Variants in HS3ST4 observed in about 807,000 individuals in gnomAD.
HS3ST4 encodes the protein heparan sulfate-glucosamine 3-sulfotransferase 4, also known as heparan sulfate glucosamine 3-O-sulfotransferase 4.
A neutral mutation model predicts 29.2 loss-of-function variants in HS3ST4; 17 were observed. The ratio of observed to expected loss-of-function variants is 0.58; its 90% confidence interval spans 0.40 to 0.87. The LOEUF (loss-of-function observed/expected upper bound fraction) is 0.87. Ranked by LOEUF, HS3ST4 falls within the 40% of genes least tolerant of loss-of-function variation. The pLI is 0.00. For missense variants in HS3ST4, 627 were observed against 634.5 expected, an observed-to-expected ratio of 0.99 and a Z score of 0.13; for synonymous variants, 314 against 285.7, an observed-to-expected ratio of 1.10 and a Z score of -1.00.
chr16:26,056,284 T>A (rs1898407455), intron 1 of HS3ST4, among the ~76,000 whole-genome samples: 1 of 152,100 alleles, frequency 6.6e-6, no homozygotes, highest in African/African-American at 2.4e-5. Flanking sequence ...AGGTTGGAAG[T>A]TTTTGAGAAC....
intron 1 of HS3ST4, among the ~76,000 whole-genome samples, chr16:25,952,436 G>A (rs139637675): frequency 1.1e-3 from 172 of 152,284 alleles, no homozygotes; most frequent in African/African-American, 3.9e-3. Context: ...ACTCCATCAG[G>A]GGGATTCAAG....
At position 26,051,908 on chromosome 16, in the gene HS3ST4, CCCTCCCTT is replaced by C. The variant is rs1318681844; in HGVS notation, c.735-83700_735-83693del. Among the ~76,000 whole-genome samples, 249 of 125,612 alleles carry C rather than the reference CCCTCCCTT, an allele frequency of 2.0e-3. 4 individuals carry two copies. The East Asian group carries it at 0.047, about 24-fold the overall frequency. The allele number at this position is 125,612 out of a possible 152,430, so 82.4% of individuals were successfully genotyped here. On this transcript the variant is annotated intron_variant, in intron 1 of 1. Coordinates refer to ENST00000331351, the MANE Select transcript of HS3ST4 (RefSeq NM_006040.3). Reference sequence around the variant, plus strand: ...TCCCTCCCTCCCTCCCTCCCTCCCTCCCTCCCTTCCTTCCTTCCTTCCTTCCTTCCGTC... The same window carrying C: ...TCCCTCCCTCCCTCCCTCCCTCCCTCCCTTCCTTCCTTCCTTCCTTCCGTC...
intron 1 of HS3ST4, among the ~76,000 whole-genome samples, chr16:25,988,155 A>G (rs1451515611): frequency 6.6e-6 from 1 of 152,188 alleles, no homozygotes; most frequent in Non-Finnish European, 1.5e-5. Flanking sequence ...CTTCGTCTGC[A>G]CGCCTGTCTT....
intron 1 of HS3ST4, among the ~76,000 whole-genome samples, chr16:25,750,795 C>T (rs910597025): frequency 2.0e-5 from 3 of 152,214 alleles, no homozygotes; most frequent in African/African-American, 7.2e-5. Context: ...TCATTCCACC[C>T]TCCTACTTCA....
intron 1 of HS3ST4, among the ~76,000 whole-genome samples, chr16:25,877,364 G>A (rs1967843173): frequency 6.6e-6 from 1 of 152,108 alleles, no homozygotes; most frequent in Admixed American, 6.5e-5. Flanking sequence ...GGATTATTTG[G>A]GGACACAGGG....
chr16:26,130,057 T>C (rs1293913541), intron 1 of HS3ST4, among the ~76,000 whole-genome samples: 2 of 152,168 alleles, frequency 1.3e-5, no homozygotes, highest in African/African-American at 4.8e-5. Flanking sequence ...ACTGGGCTGT[T>C]CTTAGCAAAG....
chr16:25,860,849 C>G (rs1428319409), intron 1 of HS3ST4, among the ~76,000 whole-genome samples: 1 of 152,064 alleles, frequency 6.6e-6, no homozygotes, highest in Admixed American at 6.6e-5. Context: ...AGAATGAACT[C>G]CAATGTAAAC....
At chr16:26,133,133 T>A (rs1231659016) in intron 1 of HS3ST4, among the ~76,000 whole-genome samples, 4 of 149,736 alleles carry the variant, frequency 2.7e-5, no homozygotes, top group Non-Finnish European at 4.5e-5. Flanking sequence ...AAATGAAGTA[T>A]TTTTTTTTTC....
At chr16:25,714,217 G>T (rs1966436486) in intron 1 of HS3ST4, among the ~76,000 whole-genome samples, 2 of 152,218 alleles carry the variant, frequency 1.3e-5, no homozygotes, top group South Asian at 4.2e-4. Flanking sequence ...ACAAATACAT[G>T]AAAATAAAAT....
chr16:25,744,460 C>T (rs1410201414), intron 1 of HS3ST4, among the ~76,000 whole-genome samples: 1 of 152,106 alleles, frequency 6.6e-6, no homozygotes, highest in Admixed American at 6.5e-5. Flanking sequence ...TCCTAAATAG[C>T]AGTGCCTTAA....
intron 1 of HS3ST4, among the ~76,000 whole-genome samples, chr16:26,075,005 TG>T (rs1478195928): frequency 6.6e-6 from 1 of 152,124 alleles, no homozygotes; most frequent in East Asian, 1.9e-4. Flanking sequence ...CCAGCCTGGC[TG>T]ACATGGTGAA....
At chr16:25,856,368 G>A (rs946830712) in intron 1 of HS3ST4, among the ~76,000 whole-genome samples, 16 of 152,136 alleles carry the variant, frequency 1.1e-4, no homozygotes, top group African/African-American at 3.9e-4. Context: ...GGAGGGGAAA[G>A]GGGCTGGGAG....
chr16:25,877,447 C>T (rs1967844013), intron 1 of HS3ST4, among the ~76,000 whole-genome samples: 3 of 152,122 alleles, frequency 2.0e-5, no homozygotes. Flanking sequence ...TAATCACTCC[C>T]AGTTTCTTCA....
intron 1 of HS3ST4, among the ~76,000 whole-genome samples, chr16:26,022,609 A>G (rs939427476): frequency 2.0e-5 from 3 of 152,052 alleles, no homozygotes; most frequent in African/African-American, 7.2e-5. Flanking sequence ...ACAGACAGGC[A>G]GCAGGTCAAA....
intron 1 of HS3ST4, among the ~76,000 whole-genome samples, chr16:25,998,376 T>A (rs1969175369): frequency 6.6e-6 from 1 of 152,206 alleles, no homozygotes; most frequent in East Asian, 1.9e-4. Flanking sequence ...TAATTCTAGA[T>A]AGTATACTTC....
rs145515847 is a variant in HS3ST4 at position 25,750,087 on chromosome 16, C to T, written c.734+56936C>T. Reference sequence around the variant, plus strand: ...ATCTGGTGTCTTAGATGGAAAATCCCAAATGGTTGCTACTGAAATCCTCTG... The same window carrying T: ...ATCTGGTGTCTTAGATGGAAAATCCTAAATGGTTGCTACTGAAATCCTCTG... On this transcript the variant is annotated intron_variant, in intron 1 of 1. Transcript: ENST00000331351. 1.1e-3 allele frequency among the ~76,000 whole-genome samples: 171 copies of T among 152,276 alleles called. 1 individual carries two copies. Among genetic ancestry groups the T allele is most frequent in the African/African-American group, 3.9e-3 (162 of 41,556 alleles).
At chr16:26,078,289 C>G (rs150925638) in intron 1 of HS3ST4, among the ~76,000 whole-genome samples, 162 of 152,144 alleles carry the variant, frequency 1.1e-3, no homozygotes, top group Admixed American at 1.8e-3. Context: ...TACAGGCGCC[C>G]ACGACCACAT....
rs768447504 is a variant in HS3ST4, at chr16:25,887,691, ATTTTTTTTTTTTT to A, written c.734+194552_734+194564del. Reference sequence around the variant, plus strand: ...GCATCCCTAGCGCCCGCTACACCTGATTTTTTTTTTTTTTTTTTTTTTTTGAGATGGAGTCTTG... The same window carrying A: ...GCATCCCTAGCGCCCGCTACACCTGATTTTTTTTTTTGAGATGGAGTCTTG... On this transcript the variant is annotated intron_variant, in intron 1 of 1. Transcript: ENST00000331351. Among the ~76,000 whole-genome samples, 14 of 91,516 alleles carry A rather than the reference ATTTTTTTTTTTTT, an allele frequency of 1.5e-4. No individual in the cohort carries two copies. In the East Asian group the frequency reaches 4.5e-3, roughly 29 times the overall value. The allele number at this position is 91,516 out of a possible 152,430, so 60.0% of individuals were successfully genotyped here. A position where few individuals can be genotyped will look rare whatever the true frequency, so the allele number is the denominator to read the frequency against.
intron 1 of HS3ST4, among the ~76,000 whole-genome samples, chr16:25,861,053 A>G (rs4381608): frequency 0.44 from 66,635 of 152,062 alleles, 14,854 homozygotes; most frequent in East Asian, 0.71. Flanking sequence ...AAAGTCTTAA[A>G]AACAAACAAA....
Sources: gnomAD v4.1 joint callset for allele counts (sites outside exome capture counted in the v4.1 genomes callset) on GRCh38, gnomAD v4.1.1 for gene constraint, MANE v1.5 for transcripts, NCBI Gene and HGNC (gene_info 2026-07-23, HGNC 2026-07-21) for gene names.